RACK1: variants seen among roughly 807,000 people sequenced by gnomAD.
The protein encoded by RACK1 is receptor for activated C kinase 1.
In RACK1, 3 loss-of-function variants were observed where a neutral mutation model predicts 42.2. That is an observed-to-expected ratio of 0.07 (90% confidence interval 0.03 to 0.18). The LOEUF (loss-of-function observed/expected upper bound fraction) is 0.18, where lower values mean the gene tolerates loss of function less well. Among genes scored for constraint, RACK1 ranks in the 10% least tolerant of loss-of-function variants. RACK1 has a pLI of 1.00. For missense variants in RACK1, 146 were observed against 403.2 expected, an observed-to-expected ratio of 0.36 and a Z score of 5.46; for synonymous variants, 181 against 154.8, an observed-to-expected ratio of 1.17 and a Z score of -1.25.
chr5:181,243,145 A>T, intron 1 of RACK1: 1 of 643,626 alleles, frequency 1.6e-6, no homozygotes, highest in Non-Finnish European at 2.4e-6. Context: ...AAGTCAGACA[A>T]TTCTTAACAG....
chr5:181,238,544 CCT>C, intron 5 of RACK1: 1 of 357,868 alleles, frequency 2.8e-6, no homozygotes, highest in South Asian at 2.4e-5. Context: ...GTGGCTCATG[CCT>C]GTAATCCCAG....
chr5:181,240,689 GAA>G (rs1204244836), intron 3 of RACK1, among the ~76,000 whole-genome samples: 1 of 148,976 alleles, frequency 6.7e-6, no homozygotes, highest in African/African-American at 2.5e-5. Context: ...TCTCAAAAAA[GAA>G]AAAAAATAAA....
chr5:181,240,643 C>G (rs1759308245), intron 3 of RACK1, among the ~76,000 whole-genome samples: 1 of 151,710 alleles, frequency 6.6e-6, no homozygotes, highest in Non-Finnish European at 1.5e-5. Context: ...AGCCCCCAAT[C>G]TGCGATCCCA....
chr5:181,242,305 G>T lies in RACK1; in HGVS notation c.150C>A (p.Thr50=), dbSNP rs371464588. The part of the protein sequence containing the change: ...IIMWKLTRDE[T]NYGIPQRALR... ...GAGCACGCTGTGGAATTCCATAGTT[G>T]GTCTCATCCCTGGTCAGTTTCCACA... The change falls in exon 2 of 8, where the codon ACC becomes ACA. Residue 50 remains threonine, a synonymous_variant. Coordinates refer to ENST00000512805, the MANE Select transcript of RACK1 (RefSeq NM_006098.5). 216 of 1,613,708 alleles carry T rather than the reference G, an allele frequency of 1.3e-4. No homozygotes were observed. The highest frequency in any genetic ancestry group is 1.7e-4 in the Non-Finnish European group (197 of 1,179,788).
chr5:181,241,905 C>A, intron 2 of RACK1: 1 of 766,412 alleles, frequency 1.3e-6, no homozygotes, highest in Non-Finnish European at 2.4e-6. Flanking sequence ...CTAATTCCAC[C>A]TGCCAATTAC....
At chr5:181,242,415 C>T in intron 1 of RACK1, 70 bp from the exon 2 acceptor site, 1 of 1,064,794 alleles carries the variant, frequency 9.4e-7, no homozygotes, top group Non-Finnish European at 1.4e-6. Flanking sequence ...GGATAATTCA[C>T]TAAGTGTCAA....
At position 181,238,168 on chromosome 5, in the gene RACK1, G is replaced by C. The variant is rs201404764; in HGVS notation, c.708C>G (p.Ile236Met). 3.8e-5 allele frequency: 61 copies of C among 1,613,950 alleles called. No individual in the cohort carries two copies. Among genetic ancestry groups the C allele is most frequent in the Non-Finnish European group, 8.5e-7 (1 of 1,179,946 alleles). ...GGTTAGGGCTGAAGCACAGGGCGTTGATGATGTCCCCACCATCTAGCGTGT... is the reference window on the plus strand; with the variant it reads ...GGTTAGGGCTGAAGCACAGGGCGTTCATGATGTCCCCACCATCTAGCGTGT... ...HLYTLDGGDIINALCFSPNRY... is the reference protein window; with the variant it reads ...HLYTLDGGDIMNALCFSPNRY... The change falls in exon 6 of 8, where the codon ATC becomes ATG. Residue 236 changes from isoleucine (I) to methionine (M), a missense_variant. Ile to Met is a conservative substitution (Grantham distance 10). Transcript: ENST00000512805.
In RACK1 at chr5:181,243,744, G is replaced by C; in HGVS notation, c.57C>G (p.Thr19=). 6.2e-7 allele frequency: 1 copy of C among 1,610,188 alleles called. No homozygotes were observed. Residue 19 remains threonine, a synonymous_variant, in exon 1 of 8, where the codon ACC becomes ACG. Coordinates refer to ENST00000512805, the MANE Select transcript of RACK1 (RefSeq NM_006098.5). ...GTLKGHNGWV[T]QIATTPQFPD... ...GGAACTGCGGGGTAGTAGCGATCTGGGTTACCCAGCCGTTGTGGCCCTTGA... is the reference window on the plus strand; with the variant it reads ...GGAACTGCGGGGTAGTAGCGATCTGCGTTACCCAGCCGTTGTGGCCCTTGA...
At chr5:181,241,942 A>T in intron 2 of RACK1, 2 of 767,812 alleles carry the variant, frequency 2.6e-6, no homozygotes, top group East Asian at 2.4e-5. Context: ...AAACATGTTC[A>T]AACTGCTGCC....
intron 1 of RACK1, chr5:181,243,488 G>A: frequency 4.8e-6 from 7 of 1,448,794 alleles, no homozygotes; most frequent in Non-Finnish European, 6.4e-6. Context: ...GTACACGTAG[G>A]TTCTCATCTG....
intron 5 of RACK1, chr5:181,238,710 G>A (rs1759225825): frequency 5.5e-6 from 2 of 366,270 alleles, no homozygotes; most frequent in African/African-American, 2.1e-5. Context: ...GCTGAGATGG[G>A]AGAATTGCTT....
chr5:181,243,718 G>C lies in RACK1; in HGVS notation c.83C>G (p.Pro28Arg). Reference sequence around the variant, plus strand: ...TCGAGAGGCGGAGAGGATCATGTCCGGGAACTGCGGGGTAGTAGCGATCTG... The same window carrying C: ...TCGAGAGGCGGAGAGGATCATGTCCCGGAACTGCGGGGTAGTAGCGATCTG... The part of the protein sequence containing the change: ...VTQIATTPQF[P>R]DMILSASRDK... The change falls in exon 1 of 8, where the codon CCG becomes CGG. Residue 28 changes from proline (P) to arginine (R), a missense_variant. Coordinates refer to ENST00000512805, the MANE Select transcript of RACK1 (RefSeq NM_006098.5). The C allele has an allele frequency of 6.2e-7, 1 of 1,608,214 alleles. No homozygotes were observed.
intron 5 of RACK1, 82 bp from the exon 6 acceptor site, chr5:181,238,321 A>G: frequency 7.0e-7 from 1 of 1,430,454 alleles, no homozygotes; most frequent in Non-Finnish European, 9.8e-7. Context: ...TGTCAGAATC[A>G]ATTCTTACCT....
intron 1 of RACK1, chr5:181,243,199 A>G: frequency 2.7e-6 from 3 of 1,121,500 alleles, no homozygotes; most frequent in Non-Finnish European, 3.6e-6. Flanking sequence ...AAACGCAGTC[A>G]GGAACACAGG....
chr5:181,241,426 CAAA>C (rs57063983), intron 3 of RACK1, 63 bp downstream of exon 3: 11,624 of 1,047,606 alleles, frequency 0.011, no homozygotes, highest in South Asian at 0.014. Flanking sequence ...AGACTGTCGC[CAAA>C]AAAAAAAAAA....
intron 1 of RACK1, 160 bp downstream of exon 1, chr5:181,243,532 G>T: frequency 7.2e-7 from 1 of 1,389,382 alleles, no homozygotes; most frequent in Non-Finnish European, 9.7e-7. Flanking sequence ...GCCTAGGCTC[G>T]GGTCCGCACG....
intron 3 of RACK1, 83 bp from the exon 4 acceptor site, chr5:181,239,665 T>C: frequency 1.2e-6 from 1 of 829,468 alleles, no homozygotes; most frequent in Non-Finnish European, 2.0e-6. Context: ...CTCAGTAGGA[T>C]GATGGCTGGC....
intron 6 of RACK1, 152 bp downstream of exon 6, chr5:181,237,942 GCACAC>G: frequency 1.3e-6 from 1 of 743,362 alleles, no homozygotes; most frequent in African/African-American, 2.0e-5. Context: ...GTACAGGACT[GCACAC>G]CACAACAGAG....
In RACK1 at chr5:181,237,589, G is replaced by C; in HGVS notation, c.888+20C>G. On this transcript the variant is annotated intron_variant, in intron 7 of 7. Transcript: ENST00000512805. ...AAATTAACTGGAAGCAGAATCACCTGAGAGGACAGACCCACTTACCTGGCC... is the reference window on the plus strand; with the variant it reads ...AAATTAACTGGAAGCAGAATCACCTCAGAGGACAGACCCACTTACCTGGCC... 7.9e-7 allele frequency: 1 copy of C among 1,270,826 alleles called. No individual in the cohort carries two copies. Among genetic ancestry groups the C allele is most frequent in the Non-Finnish European group, 1.2e-6 (1 of 866,042 alleles). 78.7% of individuals were successfully genotyped at this position (1,270,826 alleles called of 1,614,324 possible).
Sources: gnomAD v4.1 joint callset for allele counts (sites outside exome capture counted in the v4.1 genomes callset) on GRCh38, gnomAD v4.1.1 for gene constraint, MANE v1.5 for transcripts, NCBI Gene and HGNC (gene_info 2026-07-23, HGNC 2026-07-21) for gene names.